Variants in AMPH observed in about 807,000 individuals in gnomAD.
AMPH encodes amphiphysin (Stiff-Mann syndrome with breast cancer 128kD autoantigen).
Under a neutral mutation model 99.1 loss-of-function variants are expected in AMPH, and 49 were observed. The observed-to-expected ratio is 0.49, with a 90% confidence interval of 0.39 to 0.63. AMPH has a LOEUF of 0.63. AMPH is among the 20% of genes least tolerant of loss of function. The probability of loss-of-function intolerance (pLI) is 0.00; values close to 1 mark genes in which losing one functional copy is unlikely to be tolerated. For missense variants in AMPH, 759 were observed against 863.4 expected (o/e 0.88, Z 1.52); for synonymous variants, 314 against 317.3 (o/e 0.99, Z 0.11).
intron 2 of AMPH, 135 bp from the exon 3 acceptor site, chr7:38,503,839 T>C: frequency 1.2e-6 from 1 of 837,732 alleles, no homozygotes. Flanking sequence ...GGACACAGAC[T>C]AAACAAGGCA....
intron 17 of AMPH, among the ~76,000 whole-genome samples, chr7:38,395,044 T>C (rs1456563114): frequency 6.6e-6 from 1 of 152,190 alleles, no homozygotes; most frequent in African/African-American, 2.4e-5. Context: ...CGTGCCTTGG[T>C]CACTTTTTGA....
At chr7:38,618,688 G>A (rs1273973375) in intron 1 of AMPH, among the ~76,000 whole-genome samples, 1 of 152,096 alleles carries the variant, frequency 6.6e-6, no homozygotes, top group Non-Finnish European at 1.5e-5. Flanking sequence ...CCTCTATTGT[G>A]ACAAATGTAG....
At chr7:38,600,478 A>G (rs1793208087) in intron 1 of AMPH, among the ~76,000 whole-genome samples, 1 of 152,204 alleles carries the variant, frequency 6.6e-6, no homozygotes. Context: ...TATTTTTACC[A>G]TAAAAAAGGT....
intron 2 of AMPH, among the ~76,000 whole-genome samples, chr7:38,511,956 A>G (rs1400306151): frequency 1.3e-5 from 2 of 152,230 alleles, no homozygotes; most frequent in Non-Finnish European, 2.9e-5. Flanking sequence ...GACTCTTTAG[A>G]GACACAAGTC....
chr7:38,537,544 G>C (rs897521125), intron 1 of AMPH, among the ~76,000 whole-genome samples: 1 of 152,136 alleles, frequency 6.6e-6, no homozygotes, highest in Non-Finnish European at 1.5e-5. Context: ...ATTCAACAAG[G>C]ATAAAATTTA....
chr7:38,398,190 A>C (rs984847410), intron 17 of AMPH, among the ~76,000 whole-genome samples: 1 of 149,618 alleles, frequency 6.7e-6, no homozygotes, highest in Non-Finnish European at 1.5e-5. Flanking sequence ...CTCAAAAAAA[A>C]AAAAACAAAA....
At chr7:38,482,697 T>C (rs954290625) in intron 5 of AMPH, among the ~76,000 whole-genome samples, 1 of 152,148 alleles carries the variant, frequency 6.6e-6, no homozygotes, top group Admixed American at 6.6e-5. Flanking sequence ...TCACAGCCTT[T>C]ATTTGCTTAG....
At chr7:38,590,919 G>A (rs373636848) in intron 1 of AMPH, among the ~76,000 whole-genome samples, 5 of 152,138 alleles carry the variant, frequency 3.3e-5, no homozygotes, top group African/African-American at 7.2e-5. Flanking sequence ...GTCCCACCTC[G>A]AAGGTAAGAT....
At chr7:38,596,798 C>T (rs924582615) in intron 1 of AMPH, among the ~76,000 whole-genome samples, 4 of 152,178 alleles carry the variant, frequency 2.6e-5, no homozygotes, top group Non-Finnish European at 4.4e-5. Flanking sequence ...CCATTCCATC[C>T]ACCACCTTCA....
intron 12 of AMPH, among the ~76,000 whole-genome samples, chr7:38,432,587 TACACAC>T (rs10556315): frequency 0.036 from 5,344 of 148,012 alleles, 206 homozygotes; most frequent in African/African-American, 0.1. Context: ...GTTATTTTAA[TACACAC>T]ACACACACAC....
At chr7:38,429,590 C>A (rs1442409756) in intron 14 of AMPH, 1 of 1,446,148 alleles carries the variant, frequency 6.9e-7, no homozygotes, top group Non-Finnish European at 9.1e-7. Flanking sequence ...TTAAAGTATG[C>A]AGAAGAGCAA....
intron 1 of AMPH, among the ~76,000 whole-genome samples, chr7:38,583,401 A>AT (rs5883654): frequency 0.28 from 42,737 of 152,006 alleles, 6,407 homozygotes; most frequent in Non-Finnish European, 0.34. Context: ...TAAATAGTGA[A>AT]TTTTTTTTAG....
intron 3 of AMPH, among the ~76,000 whole-genome samples, chr7:38,500,169 A>G (rs762639157): frequency 2.0e-5 from 3 of 152,212 alleles, no homozygotes; most frequent in Non-Finnish European, 4.4e-5. Context: ...AGAAGAGAGA[A>G]GGGTCCTGCA....
At chr7:38,535,186 C>CAAA (rs892143791) in intron 1 of AMPH, among the ~76,000 whole-genome samples, 175 bp from the exon 2 acceptor site, 1 of 139,276 alleles carries the variant, frequency 7.2e-6, no homozygotes, top group Non-Finnish European at 1.6e-5. Flanking sequence ...TGGAGTTGAA[C>CAAA]AAAAAAAAAA....
chr7:38,597,375 A>C (rs547466983), intron 1 of AMPH, among the ~76,000 whole-genome samples: 1 of 152,242 alleles, frequency 6.6e-6, no homozygotes, highest in East Asian at 1.9e-4. Flanking sequence ...AAGGGTTATA[A>C]TGAATCACTG....
intron 17 of AMPH, among the ~76,000 whole-genome samples, chr7:38,398,864 TA>T (rs1784762812): frequency 6.6e-6 from 1 of 151,972 alleles, no homozygotes; most frequent in Non-Finnish European, 1.5e-5. Flanking sequence ...AATAAAATAA[TA>T]AAAAACAGGT....
chr7:38,586,891 G>T (rs75078172), intron 1 of AMPH, among the ~76,000 whole-genome samples: 1 of 152,240 alleles, frequency 6.6e-6, no homozygotes, highest in East Asian at 1.9e-4. Flanking sequence ...AGATTTCATG[G>T]CTTGTTCAGC....
chr7:38,521,449 G>A (rs1245853179), intron 2 of AMPH, among the ~76,000 whole-genome samples: 4 of 151,990 alleles, frequency 2.6e-5, no homozygotes, highest in East Asian at 1.9e-4. Flanking sequence ...TGAACCCGGC[G>A]GGCAGAGGTT....
At chr7:38,437,441 G>A (rs572222627) in intron 11 of AMPH, among the ~76,000 whole-genome samples, 11 of 151,834 alleles carry the variant, frequency 7.2e-5, no homozygotes, top group Non-Finnish European at 1.6e-4. Context: ...AAGAATAGGA[G>A]TTATTCTAAT....
Sources: allele counts gnomAD v4.1 joint callset (sites outside exome capture counted in the v4.1 genomes callset), GRCh38; gene constraint gnomAD v4.1.1; transcripts MANE v1.5; gene names NCBI Gene and HGNC (gene_info 2026-07-23, HGNC 2026-07-21).